Variants in BOD1L1 observed in about 807,000 individuals in gnomAD.
The protein encoded by BOD1L1 is biorientation of chromosomes in cell division protein 1-like 1.
In BOD1L1, 86 loss-of-function variants were observed where a neutral mutation model predicts 240.7. The ratio of observed to expected loss-of-function variants is 0.36; its 90% CI spans 0.30 to 0.43. BOD1L1 has a LOEUF of 0.43. Among genes scored for constraint, BOD1L1 ranks in the 20% least tolerant of loss-of-function variants. BOD1L1 has a pLI of 1.00. For missense variants in BOD1L1, 3,554 were observed against 3,643.5 expected (o/e 0.98, Z 0.63); for synonymous variants, 1,268 against 1,272.3 (o/e 1.00, Z 0.07).
At chr4:13,607,472 A>T (rs1167397204) in intron 8 of BOD1L1, among the ~76,000 whole-genome samples, 1 of 152,110 alleles carries the variant, frequency 6.6e-6, no homozygotes, top group East Asian at 1.9e-4. Context: ...CTAATTTTGT[A>T]TTTTTAGTAG....
chr4:13,592,700 ACT>A (rs1477762587), intron 12 of BOD1L1: 1 of 152,184 alleles, frequency 6.6e-6, no homozygotes, highest in Non-Finnish European at 1.5e-5. Flanking sequence ...AGTATAAATG[ACT>A]TACCAAGTCT....
intron 5 of BOD1L1, among the ~76,000 whole-genome samples, chr4:13,612,425 T>G (rs1716247073): frequency 6.6e-6 from 1 of 152,180 alleles, no homozygotes; most frequent in African/African-American, 2.4e-5. Flanking sequence ...GACTCGGGTT[T>G]GAAATCTGCA....
chr4:13,577,450 C>G lies in BOD1L1; in HGVS notation c.8837G>C (p.Arg2946Pro), dbSNP rs145381378. The G allele has an allele frequency of 5.0e-6, 8 of 1,613,668 alleles. No individual in the cohort carries two copies. The African/African-American group carries it at 5.3e-5, about 11-fold the overall frequency. The change falls in exon 24 of 26, where the codon CGG becomes CCG. Residue 2946 changes from arginine (R) to proline (P), a missense_variant. Physicochemically the swap from Arg to Pro is moderately radical, Grantham distance 103 (BLOSUM62 -2). This residue lies in a region of BOD1L1 where 3,393 missense variants were observed against 3,427.1 expected (regional missense o/e 0.99). Transcript: ENST00000040738. ...GEEKIVTSVR[R>P]RGRKPKRSLT... ...AGAACGTTTGGGTTTTCTTCCTCTC[C>G]GACGCACACTTGTTACTATTTTTTC...
intron 8 of BOD1L1, among the ~76,000 whole-genome samples, chr4:13,607,590 G>A (rs542791829): frequency 6.7e-4 from 102 of 152,110 alleles, no homozygotes; most frequent in Non-Finnish European, 1.1e-3. Flanking sequence ...GAGCCACCGC[G>A]CCCAGCTGTT....
intron 10 of BOD1L1, among the ~76,000 whole-genome samples, chr4:13,598,177 T>G (rs1164936769): frequency 3.9e-5 from 6 of 152,222 alleles, no homozygotes; most frequent in Non-Finnish European, 8.8e-5. Context: ...TGAGATAATA[T>G]CTTTGAAAGT....
intron 25 of BOD1L1, among the ~76,000 whole-genome samples, chr4:13,570,521 G>T (rs988129100): frequency 5.3e-5 from 8 of 152,170 alleles, no homozygotes; most frequent in African/African-American, 1.9e-4. Flanking sequence ...AACACAGCAG[G>T]ACTGCAATCT....
intron 2 of BOD1L1, 29 bp downstream of exon 2, chr4:13,619,914 C>G (rs1716913775): frequency 6.2e-7 from 1 of 1,603,628 alleles, no homozygotes; most frequent in South Asian, 1.1e-5. Flanking sequence ...CATTTAAAAC[C>G]TGCCCAGAAC....
In BOD1L1 at chr4:13,582,728, G is replaced by A. The variant is rs763183072; in HGVS notation, c.8442C>T (p.Asn2814=). Residue 2814 remains asparagine, a synonymous_variant, in exon 18 of 26, where the codon AAC becomes AAT. Transcript: ENST00000040738. The part of the protein sequence containing the change: ...ETEPHDTKEE[N]SRDLEELPKT... ...TAGGTAATTCTTCCAAATCTCTGGA[G>A]TTCTCTTCCTATAGAGAAGTTGAAA... 3.7e-6 allele frequency: 6 copies of A among 1,607,694 alleles called. No individual in the cohort carries two copies. In the East Asian group the frequency reaches 1.3e-4, roughly 36 times the overall value.
chr4:13,589,530 G>T (rs191927424), intron 14 of BOD1L1, among the ~76,000 whole-genome samples: 1 of 152,274 alleles, frequency 6.6e-6, no homozygotes, highest in East Asian at 1.9e-4. Context: ...GGTGGGGAGG[G>T]TTTATGTAAC....
In BOD1L1 at chr4:13,582,248, T is replaced by C. The variant is rs1189564819; in HGVS notation, c.8581A>G (p.Lys2861Glu). The C allele has an allele frequency of 6.2e-7, 1 of 1,613,046 alleles. No homozygotes were observed. ...AAAGCACATCTCACCTCCTGAGATT[T>C]TATGGTGTCATCATCGTTCTGCTCT... Reference protein sequence around the residue: ...KPEQNDDDTIKSQEEDQPIII... With the variant: ...KPEQNDDDTIESQEEDQPIII... The change falls in exon 19 of 26, where the codon AAA becomes GAA. Residue 2861 changes from lysine to glutamate, a missense_variant. Physicochemically the swap from Lys to Glu is moderately conservative, Grantham distance 56 (BLOSUM62 1). This residue lies in a region of BOD1L1 where 3,393 missense variants were observed against 3,427.1 expected (regional missense o/e 0.99). Coordinates refer to ENST00000040738, the MANE Select transcript of BOD1L1 (RefSeq NM_148894.3).
rs778601132 is a variant in BOD1L1 at position 13,601,487 on chromosome 4, T to C, written c.5413A>G (p.Ser1805Gly). ...GITEDGEGPA[S>G]CTGSEDSSEG... ...CTGCTATCTTCTGAACCTGTGCAAC[T>C]TGCTGGCCCCTCTCCATCTTCTGTT... The change falls in exon 10 of 26, where the codon AGT becomes GGT. Residue 1805 changes from serine (S) to glycine (G), a missense_variant. Ser to Gly is a moderately conservative substitution (Grantham distance 56). Transcript: ENST00000040738. The C allele has an allele frequency of 6.2e-7, 1 of 1,614,036 alleles. No homozygotes were observed. Among genetic ancestry groups the C allele is most frequent in the Non-Finnish European group, 8.5e-7 (1 of 1,179,902 alleles).
rs372238431 is a variant in BOD1L1, at chr4:13,599,159, A to G, written c.7741T>C (p.Ser2581Pro). Residue 2581 changes from serine to proline, a missense_variant, in exon 10 of 26, where the codon TCC (serine) becomes CCC (proline). Physicochemically the swap from Ser to Pro is moderately conservative, Grantham distance 74. Coordinates refer to ENST00000040738, the MANE Select transcript of BOD1L1 (RefSeq NM_148894.3). ...GTAGCTGGAGGGATCATTGTGTGGG[A>G]AGGAGCAATTTTTGATTCTTGGCCA... ...ITGQESKIAP[S>P]HTMIPPATYS... is the part of the protein sequence containing the mutation. 1 of 1,614,036 alleles carries G rather than the reference A, an allele frequency of 6.2e-7. No individual in the cohort carries two copies. The highest frequency in any genetic ancestry group is 8.5e-7 in the Non-Finnish European group (1 of 1,179,896).
chr4:13,602,805 G>T lies in BOD1L1; in HGVS notation c.4095C>A (p.His1365Gln), dbSNP rs1715319997. Residue 1365 changes from histidine to glutamine, a missense_variant, in exon 10 of 26, where the codon CAC becomes CAA. His to Gln is a conservative substitution (Grantham distance 24). This residue lies in a region of BOD1L1 where 3,393 missense variants were observed against 3,427.1 expected (regional missense o/e 0.99). Coordinates refer to ENST00000040738, the MANE Select transcript of BOD1L1 (RefSeq NM_148894.3). The part of the protein sequence containing the change: ...PAKASITSKR[H>Q]IPEAHQATLL... ...AAGTAGCCTGGTGAGCTTCTGGAAT[G>T]TGTCTTTTGCTAGTGATGCTTGCTT... 1 of 1,614,002 alleles carries T rather than the reference G, an allele frequency of 6.2e-7. No individual in the cohort carries two copies. The highest frequency in any genetic ancestry group is 8.5e-7 in the Non-Finnish European group (1 of 1,179,878).
At position 13,604,087 on chromosome 4, in the gene BOD1L1, G is replaced by C. The variant is rs767952456; in HGVS notation, c.2813C>G (p.Thr938Ser). Residue 938 changes from threonine to serine, a missense_variant, in exon 10 of 26, where the codon ACT (threonine) becomes AGT (serine). Coordinates refer to ENST00000040738, the MANE Select transcript of BOD1L1 (RefSeq NM_148894.3). ...GTTCTTCTCCTTGTCTGGTTTTGGA[G>C]TGGTTGCCTGTTTTGTGGCACCTTC... ...LQEGATKQAT[T>S]PKPDKEKNTE... is the part of the protein sequence containing the mutation. 6 of 1,613,738 alleles carry C rather than the reference G, an allele frequency of 3.7e-6. No individual in the cohort carries two copies. Among genetic ancestry groups the C allele is most frequent in the Non-Finnish European group, 5.1e-6 (6 of 1,179,864 alleles).
rs745730291 is a variant in BOD1L1, at chr4:13,601,753, C to T, written c.5147G>A (p.Arg1716Lys). The T allele has an allele frequency of 6.2e-7, 1 of 1,613,994 alleles. No individual in the cohort carries two copies. The highest frequency in any genetic ancestry group is 1.1e-5 in the South Asian group (1 of 91,082). ...EVDGSQGNMM[R>K]MGPKKETEGT... ...CTCTGTTTCTTTTTTGGGACCCATT[C>T]TCATCATATTTCCCTGGGAGCCATC... is the stretch of plus-strand genomic sequence containing the variant. Residue 1716 changes from arginine (R) to lysine (K), a missense_variant, in exon 10 of 26, where the codon AGA becomes AAA. Transcript: ENST00000040738.
chr4:13,598,826 T>G, intron 10 of BOD1L1, 120 bp downstream of exon 10: 1 of 1,079,726 alleles, frequency 9.3e-7, no homozygotes, highest in African/African-American at 1.6e-5. Flanking sequence ...GAGAAAAAAA[T>G]TTATAGATAT....
At chr4:13,618,315 G>A (rs1462361780) in intron 2 of BOD1L1, among the ~76,000 whole-genome samples, 2 of 152,186 alleles carry the variant, frequency 1.3e-5, no homozygotes, top group East Asian at 3.8e-4. Context: ...CAGGGAGGTG[G>A]CTATGCAAAT....
In BOD1L1 at chr4:13,604,365, T is replaced by C. The variant is rs765380469; in HGVS notation, c.2535A>G (p.Ser845=). 6.3e-7 allele frequency: 1 copy of C among 1,582,390 alleles called. No individual in the cohort carries two copies. Among genetic ancestry groups the C allele is most frequent in the Non-Finnish European group, 8.5e-7 (1 of 1,171,096 alleles). ...AATCTTTCTGAATTTTAGAATCACT[T>C]GACCTTCTTGATTTGTGCTCTGCCT... The part of the protein sequence containing the change: ...KTKAEHKSRR[S]SDSKIQKDSL... Residue 845 remains serine (S), a synonymous_variant, in exon 10 of 26, where the codon TCA becomes TCG. Transcript: ENST00000040738.
intron 9 of BOD1L1, among the ~76,000 whole-genome samples, chr4:13,606,119 A>G (rs1295837814): frequency 6.6e-6 from 1 of 152,190 alleles, no homozygotes; most frequent in African/African-American, 2.4e-5. Flanking sequence ...ACTTCTACTA[A>G]TAACAGGGTC....
Sources: allele counts gnomAD v4.1 joint callset (sites outside exome capture counted in the v4.1 genomes callset), GRCh38; gene constraint gnomAD v4.1.1; regional missense constraint gnomAD v4.1.1; transcripts MANE v1.5; gene names NCBI Gene and HGNC (gene_info 2026-07-23, HGNC 2026-07-21).